MARCHF1: variants seen among roughly 807,000 people sequenced by gnomAD.
The protein encoded by MARCHF1 is E3 ubiquitin-protein ligase MARCHF1.
In MARCHF1, 40 loss-of-function variants were observed where a neutral mutation model predicts 54.2. The observed-to-expected ratio is 0.74, with a 90% confidence interval of 0.57 to 0.96. The LOEUF is 0.96. Ranked by LOEUF, MARCHF1 falls within the 40% of genes least tolerant of loss-of-function variation. The pLI, the probability that MARCHF1 is intolerant of heterozygous loss-of-function variation, is 0.00. For synonymous variants in MARCHF1, 236 were observed against 236.3 expected, an observed-to-expected ratio of 1.00 and a Z score of 0.01; for missense variants, 586 against 656.5, an observed-to-expected ratio of 0.89 and a Z score of 1.17.
At chr4:164,232,632 C>T (rs1732444299) in intron 1 of MARCHF1, among the ~76,000 whole-genome samples, 2 of 152,078 alleles carry the variant, frequency 1.3e-5, no homozygotes, top group Non-Finnish European at 2.9e-5. Context: ...GTGGTTATTC[C>T]TTTTAATCAT....
rs115319685 is a variant in MARCHF1, at chr4:163,580,453, A to C, written c.1191+5296T>G. Among the ~76,000 whole-genome samples the C allele has an allele frequency of 4.3e-3, 650 of 152,292 alleles. 2 individuals carry two copies. The highest frequency in any genetic ancestry group is 0.014 in the African/African-American group (573 of 41,562). Reference sequence around the variant, plus strand: ...AAAGCAGAAAAGGAGTAGCTACATTAAATGTTGAATAAGGACTATTGGAGA... The same window carrying C: ...AAAGCAGAAAAGGAGTAGCTACATTCAATGTTGAATAAGGACTATTGGAGA... On this transcript the variant is annotated intron_variant, in intron 8 of 9. Transcript: ENST00000514618.
chr4:163,703,149 C>T (rs1744855794), intron 4 of MARCHF1, among the ~76,000 whole-genome samples: 1 of 151,948 alleles, frequency 6.6e-6, no homozygotes, highest in Admixed American at 6.6e-5. Flanking sequence ...TATGATATTT[C>T]CATTATAATT....
chr4:163,635,440 C>T (rs573084266), intron 5 of MARCHF1, among the ~76,000 whole-genome samples: 1 of 149,754 alleles, frequency 6.7e-6, no homozygotes, highest in East Asian at 2.0e-4. Flanking sequence ...GAAATACAAA[C>T]TACCATCAGA....
intron 8 of MARCHF1, among the ~76,000 whole-genome samples, chr4:163,570,571 C>T (rs1739809530): frequency 6.6e-6 from 1 of 152,068 alleles, no homozygotes; most frequent in African/African-American, 2.4e-5. Context: ...CTGTATTTTA[C>T]CGTATCCCAT....
intron 2 of MARCHF1, among the ~76,000 whole-genome samples, chr4:164,094,828 A>G (rs999972560): frequency 1.3e-5 from 2 of 152,170 alleles, no homozygotes; most frequent in African/African-American, 4.8e-5. Context: ...GAAAAGAACA[A>G]CTGTGATCAT....
chr4:163,804,480 G>T (rs1041349647), intron 4 of MARCHF1, among the ~76,000 whole-genome samples: 1 of 152,102 alleles, frequency 6.6e-6, no homozygotes, highest in African/African-American at 2.4e-5. Context: ...GCACACAAAA[G>T]TTTGTAAACC....
At chr4:163,912,185 A>T (rs1751205726) in intron 3 of MARCHF1, among the ~76,000 whole-genome samples, 1 of 151,988 alleles carries the variant, frequency 6.6e-6, no homozygotes, top group Non-Finnish European at 1.5e-5. Flanking sequence ...CTGCTTACAC[A>T]GTCGTTGTCA....
At chr4:163,831,563 C>A (rs1173093788) in intron 4 of MARCHF1, among the ~76,000 whole-genome samples, 1 of 151,658 alleles carries the variant, frequency 6.6e-6, no homozygotes. Flanking sequence ...TGTACTCCAG[C>A]CTGGAGTAAA....
chr4:163,668,029 T>C (rs1174826260), intron 5 of MARCHF1, among the ~76,000 whole-genome samples: 3 of 152,194 alleles, frequency 2.0e-5, no homozygotes, highest in African/African-American at 7.2e-5. Flanking sequence ...ATGGTCCCTA[T>C]CACAATCTGC....
At chr4:163,897,316 C>G (rs4565038) in intron 3 of MARCHF1, among the ~76,000 whole-genome samples, 76,197 of 152,010 alleles carry the variant, frequency 0.5, 19,588 homozygotes, top group Non-Finnish European at 0.55. Flanking sequence ...GCTTGCCTAA[C>G]ATATTCTCAC....
At chr4:163,866,466 T>TTTTATATATATATATA (rs1553959583) in intron 3 of MARCHF1, among the ~76,000 whole-genome samples, 1 of 124,402 alleles carries the variant, frequency 8.0e-6, no homozygotes. Context: ...AAAGCTGTAG[T>TTTTATATATATATATA]TATATATATA....
rs1477462155 is a variant in MARCHF1, at chr4:164,275,539, T to C, written c.-323+108331A>G. 2.6e-5 allele frequency among the ~76,000 whole-genome samples: 4 copies of C among 152,358 alleles called. No individual in the cohort carries two copies. The South Asian group carries it at 8.3e-4, about 32-fold the overall frequency. ...TAAACAACGTTTGGATAATTTTTCC[T>C]TGTCCCTTGACATAAACTTGATAAA... On this transcript the variant is annotated intron_variant, in intron 1 of 9. Coordinates refer to ENST00000514618, the MANE Select transcript of MARCHF1 (RefSeq NM_001394959.1).
At chr4:164,345,573 C>CATAATAATAATAATA (rs5863679) in intron 1 of MARCHF1, among the ~76,000 whole-genome samples, 6 of 143,390 alleles carry the variant, frequency 4.2e-5, no homozygotes, top group East Asian at 2.0e-4. Flanking sequence ...CTGTCTCAAA[C>CATAATAATAATAATA]ATAATAATAA....
chr4:164,360,013 C>T (rs556586756), intron 1 of MARCHF1, among the ~76,000 whole-genome samples: 2 of 152,100 alleles, frequency 1.3e-5, no homozygotes, highest in South Asian at 2.1e-4. Context: ...GTGAACCCCA[C>T]CCCCCAGAAC....
At chr4:163,995,307 G>A (rs1753054243) in intron 2 of MARCHF1, among the ~76,000 whole-genome samples, 1 of 152,116 alleles carries the variant, frequency 6.6e-6, no homozygotes, top group Non-Finnish European at 1.5e-5. Context: ...AGGGTGCCAA[G>A]TTTACATGTA....
intron 1 of MARCHF1, among the ~76,000 whole-genome samples, chr4:164,255,815 C>T (rs565400371): frequency 6.6e-6 from 1 of 152,162 alleles, no homozygotes; most frequent in African/African-American, 2.4e-5. Flanking sequence ...ATATTTGATA[C>T]TTTGATATAA....
At chr4:163,635,696 A>C (rs1478560197) in intron 5 of MARCHF1, among the ~76,000 whole-genome samples, 1 of 151,696 alleles carries the variant, frequency 6.6e-6, no homozygotes, top group Non-Finnish European at 1.5e-5. Flanking sequence ...TCCTTCTGAA[A>C]CTATTCCAAT....
At chr4:164,064,364 T>C (rs906304500) in intron 2 of MARCHF1, among the ~76,000 whole-genome samples, 9 of 152,112 alleles carry the variant, frequency 5.9e-5, no homozygotes, top group Non-Finnish European at 2.9e-5. Context: ...GTCCTCCTTG[T>C]AGAGATCCTT....
chr4:163,862,185 C>T (rs1459775939), intron 3 of MARCHF1, among the ~76,000 whole-genome samples: 1 of 151,834 alleles, frequency 6.6e-6, no homozygotes, highest in Non-Finnish European at 1.5e-5. Context: ...AATCATGATT[C>T]ATGAAAGAAA....
Sources: gnomAD v4.1 joint callset for allele counts (sites outside exome capture counted in the v4.1 genomes callset) on GRCh38, gnomAD v4.1.1 for gene constraint, MANE v1.5 for transcripts, NCBI Gene and HGNC (gene_info 2026-07-23, HGNC 2026-07-21) for gene names.